BLM: variants seen among roughly 807,000 people sequenced by gnomAD.
BLM encodes the protein BLM RecQ like helicase, also known as recQ-like DNA helicase BLM.
A neutral mutation model predicts 135.3 loss-of-function variants in BLM; 95 were observed. The ratio of observed to expected loss-of-function variants is 0.70; its 90% confidence interval spans 0.59 to 0.83. BLM has a LOEUF of 0.83. BLM is among the 40% of genes least tolerant of loss of function. The pLI, the probability that BLM is intolerant of heterozygous loss-of-function variation, is 0.00. For missense variants in BLM, 1,518 were observed against 1,663.9 expected (o/e 0.91, Z 1.53); for synonymous variants, 520 against 589.2 (o/e 0.88, Z 1.70).
chr15:90,730,521 C>T (rs1011213498), intron 1 of BLM, among the ~76,000 whole-genome samples: 1 of 152,090 alleles, frequency 6.6e-6, no homozygotes, highest in South Asian at 2.1e-4. Context: ...GCAATCTTGG[C>T]CCACTGCAAC....
In BLM at chr15:90,815,592, G is replaced by T; in HGVS notation, c.*313G>T. The T allele has an allele frequency of 2.7e-6, 1 of 372,544 alleles. No homozygotes were observed. The highest frequency in any genetic ancestry group is 3.4e-5 in the South Asian group (1 of 29,790). 23.1% of individuals were successfully genotyped at this position (372,544 alleles called of 1,614,324 possible). On this transcript the variant is annotated 3_prime_UTR_variant, in exon 22 of 22. Coordinates refer to ENST00000355112, the MANE Select transcript of BLM (RefSeq NM_000057.4). The surrounding 1 kb of genome is among the most constrained non-coding windows in gnomAD (Gnocchi z 4.6). ...AGAAGCCAAAGGAAGAGCCACGCGTGGGCCCTTGTGAAACTAAAGCTTTTC... is the reference window on the plus strand; with the variant it reads ...AGAAGCCAAAGGAAGAGCCACGCGTTGGCCCTTGTGAAACTAAAGCTTTTC...
chr15:90,757,157 G>A (rs981363280), intron 5 of BLM, among the ~76,000 whole-genome samples: 8 of 152,088 alleles, frequency 5.3e-5, no homozygotes, highest in African/African-American at 1.4e-4. Context: ...TTGATAACAG[G>A]CTCTAGAATT....
In BLM at chr15:90,803,603, A is replaced by G; in HGVS notation, c.3441A>G (p.Lys1147=). 1 of 1,614,062 alleles carries G rather than the reference A, an allele frequency of 6.2e-7. No individual in the cohort carries two copies. The highest frequency in any genetic ancestry group is 8.5e-7 in the Non-Finnish European group (1 of 1,179,912). The change falls in exon 18 of 22, where the codon AAA becomes AAG. Residue 1147 remains lysine (K), a synonymous_variant. Transcript: ENST00000355112. ...YSRHNAERLF[K]KLILDKILDE... is the part of the protein sequence containing the mutation. ...GACACAATGCCGAAAGACTTTTTAA[A>G]AAGCTGATACTTGACAAGATTTTGG...
intron 16 of BLM, among the ~76,000 whole-genome samples, chr15:90,796,410 A>G (rs1210840696): frequency 6.6e-6 from 1 of 152,216 alleles, no homozygotes; most frequent in Non-Finnish European, 1.5e-5. Flanking sequence ...TTAAAGGGCC[A>G]CAGCATAAAT....
chr15:90,732,991 G>C (rs1895108203), intron 1 of BLM, among the ~76,000 whole-genome samples: 1 of 152,170 alleles, frequency 6.6e-6, no homozygotes, highest in African/African-American at 2.4e-5. Flanking sequence ...TACTCGGGAT[G>C]CTGAGGCAGG....
chr15:90,787,012 A>G (rs1240323561), intron 14 of BLM, among the ~76,000 whole-genome samples: 1 of 150,078 alleles, frequency 6.7e-6, no homozygotes, highest in Non-Finnish European at 1.5e-5. Context: ...GTGGGGAGGA[A>G]AGCTGAAAAT....
chr15:90,737,714 TA>T (rs1380143474), intron 1 of BLM, among the ~76,000 whole-genome samples: 1 of 151,994 alleles, frequency 6.6e-6, no homozygotes, highest in African/African-American at 2.4e-5. Context: ...ATGCTTACAT[TA>T]AAAAAGAAAG....
intron 2 of BLM, among the ~76,000 whole-genome samples, chr15:90,748,606 G>T (rs1895574367): frequency 6.6e-6 from 1 of 152,078 alleles, no homozygotes; most frequent in South Asian, 2.1e-4. Flanking sequence ...CACTGACTTT[G>T]AGATCATTAA....
chr15:90,722,610 T>TA (rs1372861430), intron 1 of BLM, among the ~76,000 whole-genome samples: 1 of 151,944 alleles, frequency 6.6e-6, no homozygotes, highest in Admixed American at 6.6e-5. Flanking sequence ...TAAAATAATT[T>TA]AAAAAAAGTT....
chr15:90,729,536 C>G (rs1425875096), intron 1 of BLM, among the ~76,000 whole-genome samples: 2 of 152,102 alleles, frequency 1.3e-5, no homozygotes, highest in African/African-American at 4.8e-5. Flanking sequence ...ATTATCAAAG[C>G]CAGCAACTTT....
chr15:90,811,138 C>T (rs1596273350), intron 20 of BLM, 67 bp from the exon 21 acceptor site: 1 of 1,547,016 alleles, frequency 6.5e-7, no homozygotes, highest in East Asian at 2.2e-5. Context: ...CGTGTCTCTT[C>T]ATATACACTA....
intron 5 of BLM, among the ~76,000 whole-genome samples, chr15:90,756,642 A>G (rs754212863): frequency 3.3e-5 from 5 of 152,244 alleles, no homozygotes; most frequent in Non-Finnish European, 7.3e-5. Flanking sequence ...CAGCATGTCA[A>G]TAGAGGCTTC....
At chr15:90,719,344 A>G (rs1254221117) in intron 1 of BLM, among the ~76,000 whole-genome samples, 1 of 152,134 alleles carries the variant, frequency 6.6e-6, no homozygotes, top group Non-Finnish European at 1.5e-5. Context: ...GCTCACACCC[A>G]TAATCCCAGC....
chr15:90,757,358 T>C (rs1022608211), intron 5 of BLM, among the ~76,000 whole-genome samples: 22 of 152,330 alleles, frequency 1.4e-4, no homozygotes, highest in Admixed American at 6.5e-4. Context: ...CTCTGAGGTA[T>C]AATCTGTCTA....
In BLM at chr15:90,760,618, T is replaced by C. The variant is rs768154708; in HGVS notation, c.1245T>C (p.Asp415=). The C allele has an allele frequency of 1.7e-5, 27 of 1,611,992 alleles. 1 individual carries two copies. In the South Asian group the frequency reaches 2.9e-4, roughly 17 times the overall value. The stretch of plus-strand genomic sequence containing the variant: ...GAAGGAAACTTCTAACGGAAGTAGA[T>C]TTTAATAAAAGTGATGCCAGTCTTC... The part of the protein sequence containing the change: ...NIRRKLLTEV[D]FNKSDASLLG... The change falls in exon 7 of 22, where the codon GAT becomes GAC. Residue 415 remains aspartate, a synonymous_variant. Coordinates refer to ENST00000355112, the MANE Select transcript of BLM (RefSeq NM_000057.4).
At position 90,798,173 on chromosome 15, in the gene BLM, TCTC is replaced by T; in HGVS notation, c.3211-16_3211-14del. Reference sequence around the variant, plus strand: ...TTACCTTAATTATAGCAGAAAGTATTCTCTTTTTATTCATAGGATTATAAAACA... The same window carrying T: ...TTACCTTAATTATAGCAGAAAGTATTTTTTTATTCATAGGATTATAAAACA... On this transcript the variant is annotated splice_polypyrimidine_tract_variant and intron_variant, in intron 16 of 21. Transcript: ENST00000355112. 1 of 1,584,974 alleles carries T rather than the reference TCTC, an allele frequency of 6.3e-7. No individual in the cohort carries two copies. The highest frequency in any genetic ancestry group is 1.1e-5 in the South Asian group (1 of 89,806).
intron 8 of BLM, among the ~76,000 whole-genome samples, chr15:90,764,837 T>A (rs1365834224): frequency 2.6e-5 from 4 of 152,132 alleles, no homozygotes; most frequent in African/African-American, 9.7e-5. Flanking sequence ...ATCCCAGCAC[T>A]TTGGGAGGCT....
At chr15:90,765,495 G>C in intron 9 of BLM, 81 bp downstream of exon 9, 1 of 1,151,644 alleles carries the variant, frequency 8.7e-7, no homozygotes, top group Non-Finnish European at 1.3e-6. Context: ...TTATTAAATA[G>C]TTCGTGATTT....
At position 90,765,329 on chromosome 15, in the gene BLM, C is replaced by T. The variant is rs2151162391; in HGVS notation, c.2108C>T (p.Ala703Val). 2 of 1,613,668 alleles carry T rather than the reference C, an allele frequency of 1.2e-6. No homozygotes were observed. The highest frequency in any genetic ancestry group is 1.7e-6 in the Non-Finnish European group (2 of 1,179,634). The change falls in exon 9 of 22, where the codon GCC becomes GTC. Residue 703 changes from alanine to valine, a missense_variant. Physicochemically the swap from Ala to Val is moderately conservative, Grantham distance 64. This residue lies in a region of BLM where 626 missense variants were observed against 681.1 expected (regional missense o/e 0.92). Coordinates refer to ENST00000355112, the MANE Select transcript of BLM (RefSeq NM_000057.4). ...AAGAGTTTGTGTTACCAGCTCCCTG[C>T]CTGTGTTTCTCCTGGGGTCACTGTT... The part of the protein sequence containing the change: ...GGKSLCYQLP[A>V]CVSPGVTVVI...
Sources: gnomAD v4.1 joint callset for allele counts (sites outside exome capture counted in the v4.1 genomes callset) on GRCh38, gnomAD v4.1.1 for gene constraint, gnomAD v4.1.1 regional missense constraint, Gnocchi (gnomAD v3.1) non-coding constraint, MANE v1.5 for transcripts, NCBI Gene and HGNC (gene_info 2026-07-23, HGNC 2026-07-21) for gene names.